The following NDUFA9 variants were observed in gnomAD, a reference collection of about 807,000 sequenced individuals.
NDUFA9 encodes the protein NADH:ubiquinone oxidoreductase subunit A9.
A neutral mutation model predicts 45.9 loss-of-function variants in NDUFA9; 23 were observed. The observed-to-expected ratio is 0.50, with a 90% CI of 0.36 to 0.71. The LOEUF (loss-of-function observed/expected upper bound fraction) is 0.71. NDUFA9 is among the 30% of genes least tolerant of loss of function. NDUFA9 has a pLI of 0.00. For missense variants in NDUFA9, 466 were observed against 488.2 expected, an observed-to-expected ratio of 0.95 and a Z score of 0.43; for synonymous variants, 176 against 170.5, an observed-to-expected ratio of 1.03 and a Z score of -0.25.
chr12:4,687,178 C>G lies in NDUFA9; in HGVS notation c.*70C>G. ...CATGTGGTTTGAGCACCCAGCCAGG[C>G]GGTCTCTTTAGAGGATCCTGTACAC... On this transcript the variant is annotated 3_prime_UTR_variant, in exon 11 of 11. Coordinates refer to ENST00000266544, the MANE Select transcript of NDUFA9 (RefSeq NM_005002.5). The G allele has an allele frequency of 1.4e-6, 2 of 1,479,146 alleles. No homozygotes were observed. Among genetic ancestry groups the G allele is most frequent in the Middle Eastern group, 1.9e-4 (1 of 5,320 alleles). The allele number at this position is 1,479,146 out of a possible 1,614,324, so 91.6% of individuals were successfully genotyped here.
intron 6 of NDUFA9, among the ~76,000 whole-genome samples, chr12:4,663,987 G>A (rs964161331): frequency 3.3e-5 from 5 of 152,158 alleles, no homozygotes; most frequent in African/African-American, 1.2e-4. Flanking sequence ...TCTAGTGGAA[G>A]GTAGAACTTG....
chr12:4,668,323 A>G (rs1448442626), intron 6 of NDUFA9, 134 bp from the exon 7 acceptor site: 1 of 707,228 alleles, frequency 1.4e-6, no homozygotes. Context: ...TTGTAAGTGC[A>G]TTCACTTCCT....
chr12:4,660,326 G>T (rs1419614536), intron 5 of NDUFA9, among the ~76,000 whole-genome samples: 1 of 152,206 alleles, frequency 6.6e-6, no homozygotes, highest in Non-Finnish European at 1.5e-5. Flanking sequence ...GTGCAGCAAA[G>T]ATTGAGGAGC....
Position 4,668,617 on chromosome 12 carries a change from C to CT in NDUFA9, c.723+94dup. 3.5e-6 allele frequency: 4 copies of CT among 1,155,512 alleles called. No homozygotes were observed. In the South Asian group the frequency reaches 5.0e-5, roughly 15 times the overall value. The allele number at this position is 1,155,512 out of a possible 1,614,324, so 71.6% of individuals were successfully genotyped here. On this transcript the variant is annotated intron_variant, in intron 7 of 10. Coordinates refer to ENST00000266544, the MANE Select transcript of NDUFA9 (RefSeq NM_005002.5). ...CTGGTTTTGTCCTAATTTAGTAACT[C>CT]TGTCATTTTCTTTGTCAACTTGTGT...
intron 2 of NDUFA9, 68 bp from the exon 3 acceptor site, chr12:4,654,757 A>T (rs1945779612): frequency 8.1e-7 from 1 of 1,234,622 alleles, no homozygotes; most frequent in African/African-American, 1.5e-5. Context: ...ATATTTACCA[A>T]GTCACAATTG....
rs1288559145 is a variant in NDUFA9 at position 4,693,827 on chromosome 12, G to A, written c.*6719G>A. On this transcript the variant is annotated 3_prime_UTR_variant, in exon 11 of 11. Transcript: ENST00000266544. ...GCAGTAGTAAGAAATTTGAATTAAG[G>A]AATCGTAAGGGAATCGAGATTATCT... is the stretch of plus-strand genomic sequence containing the variant. The A allele has an allele frequency of 6.6e-6, 1 of 152,156 alleles. No homozygotes were observed. The highest frequency in any genetic ancestry group is 1.5e-5 in the Non-Finnish European group (1 of 68,026). The allele number at this position is 152,156 out of a possible 1,614,324, so 9.4% of individuals were successfully genotyped here. A position where few individuals can be genotyped will look rare whatever the true frequency, so the allele number is the denominator to read the frequency against.
intron 8 of NDUFA9, among the ~76,000 whole-genome samples, chr12:4,679,283 C>G (rs528318387): frequency 6.6e-6 from 1 of 152,046 alleles, no homozygotes; most frequent in African/African-American, 2.4e-5. Flanking sequence ...GAGGATCTTA[C>G]TAGAGTAAGG....
intron 1 of NDUFA9, chr12:4,653,688 A>T: frequency 4.9e-6 from 2 of 405,144 alleles, no homozygotes; most frequent in Non-Finnish European, 9.4e-6. Flanking sequence ...AGTAAGTCTG[A>T]ACTATTGAAC....
In NDUFA9 at chr12:4,692,220, TG is replaced by T. The variant is rs1946022184; in HGVS notation, c.*5115del. On this transcript the variant is annotated 3_prime_UTR_variant, in exon 11 of 11. Transcript: ENST00000266544. ...CTCCAGTGTTGGAGTTGGGGCCTAG[TG>T]GGAGGCGATTAGATCATGGAGTAGA... 5 of 152,348 alleles carry T rather than the reference TG, an allele frequency of 3.3e-5. No homozygotes were observed. The South Asian group carries it at 1.0e-3, about 32-fold the overall frequency. 9.4% of individuals were successfully genotyped at this position (152,348 alleles called of 1,614,324 possible).
At chr12:4,672,884 A>C (rs1945895716) in intron 8 of NDUFA9, among the ~76,000 whole-genome samples, 1 of 152,246 alleles carries the variant, frequency 6.6e-6, no homozygotes, top group Non-Finnish European at 1.5e-5. Context: ...AGCTCTGATA[A>C]GGGACAGACT....
chr12:4,680,073 G>GT (rs375735055), intron 8 of NDUFA9, among the ~76,000 whole-genome samples: 59 of 152,288 alleles, frequency 3.9e-4, no homozygotes, highest in African/African-American at 1.3e-3. Context: ...ATCTTTTCTT[G>GT]TTGGAATGTG....
At chr12:4,668,421 C>T (rs746985978) in intron 6 of NDUFA9, 36 bp from the exon 7 acceptor site, 3 of 1,529,052 alleles carry the variant, frequency 2.0e-6, no homozygotes, top group Admixed American at 1.7e-5. Context: ...GCAATTTAAG[C>T]CTTCTCAGTA....
At chr12:4,686,831 C>A in intron 10 of NDUFA9, 107 bp from the exon 11 acceptor site, 2 of 1,058,558 alleles carry the variant, frequency 1.9e-6, no homozygotes, top group Non-Finnish European at 2.7e-6. Context: ...GCAATTAAGT[C>A]TCAATAATAG....
At chr12:4,669,629 CTCCTTCCT>C (rs536665062) in intron 7 of NDUFA9, 104 bp from the exon 8 acceptor site, 2 of 663,426 alleles carry the variant, frequency 3.0e-6, no homozygotes, top group South Asian at 2.1e-5. Flanking sequence ...TTCCTCCTTT[CTCCTTCCT>C]TCCTTCCTTC....
At chr12:4,686,390 A>G (rs1420651768) in intron 10 of NDUFA9, among the ~76,000 whole-genome samples, 2 of 151,736 alleles carry the variant, frequency 1.3e-5, no homozygotes, top group African/African-American at 4.8e-5. Context: ...TTAGTCAACC[A>G]GGTTGAGTAC....
At chr12:4,652,546 C>T (rs1203092167) in intron 1 of NDUFA9, among the ~76,000 whole-genome samples, 1 of 152,182 alleles carries the variant, frequency 6.6e-6, no homozygotes, top group Non-Finnish European at 1.5e-5. Context: ...TCCTACTTCA[C>T]TTTCAGCATT....
At chr12:4,651,416 T>G (rs1201707556) in intron 1 of NDUFA9, among the ~76,000 whole-genome samples, 1 of 152,170 alleles carries the variant, frequency 6.6e-6, no homozygotes, top group Non-Finnish European at 1.5e-5. Flanking sequence ...TTATTCTCAT[T>G]AACCCTTTAA....
At position 4,688,383 on chromosome 12, in the gene NDUFA9, G is replaced by C. The variant is rs1946000051; in HGVS notation, c.*1275G>C. 1 of 151,472 alleles carries C rather than the reference G, an allele frequency of 6.6e-6. No homozygotes were observed. The highest frequency in any genetic ancestry group is 2.4e-5 in the African/African-American group (1 of 41,176). 9.4% of individuals were successfully genotyped at this position (151,472 alleles called of 1,614,324 possible). ...ACCTGTAGTCTCAGTTATTCGGGAG[G>C]CTAAGGTATGATGATTGCTTGAGCC... On this transcript the variant is annotated 3_prime_UTR_variant, in exon 11 of 11. Coordinates refer to ENST00000266544, the MANE Select transcript of NDUFA9 (RefSeq NM_005002.5).
rs1287094688 is a variant in NDUFA9 at position 4,690,132 on chromosome 12, C to G, written c.*3024C>G. 1 of 152,194 alleles carries G rather than the reference C, an allele frequency of 6.6e-6. No homozygotes were observed. Among genetic ancestry groups the G allele is most frequent in the African/African-American group, 2.4e-5 (1 of 41,404 alleles). The allele number at this position is 152,194 out of a possible 1,614,324, so 9.4% of individuals were successfully genotyped here. A position where few individuals can be genotyped will look rare whatever the true frequency, so the allele number is the denominator to read the frequency against. On this transcript the variant is annotated 3_prime_UTR_variant, in exon 11 of 11. Transcript: ENST00000266544. Reference sequence around the variant, plus strand: ...GAGTCTCCATTTATAGGGGCTGTCCCCATAGAGACTTCAAGCCACACCTTT... The same window carrying G: ...GAGTCTCCATTTATAGGGGCTGTCCGCATAGAGACTTCAAGCCACACCTTT...
Sources: allele counts gnomAD v4.1 joint callset (sites outside exome capture counted in the v4.1 genomes callset), GRCh38; gene constraint gnomAD v4.1.1; transcripts MANE v1.5; gene names NCBI Gene and HGNC (gene_info 2026-07-23, HGNC 2026-07-21).